Variants in PRLR observed in about 807,000 individuals in gnomAD.
The protein encoded by PRLR is hPRL receptor.
In PRLR, 13 loss-of-function variants were observed where a neutral mutation model predicts 40.2. That is an observed-to-expected ratio of 0.32 (90% CI 0.21 to 0.51). The LOEUF (loss-of-function observed/expected upper bound fraction) is 0.51. PRLR is among the 20% of genes least tolerant of loss of function. The probability of loss-of-function intolerance (pLI) is 0.97; values close to 1 mark genes in which losing one functional copy is unlikely to be tolerated. For synonymous variants in PRLR, 269 were observed against 278.7 expected (o/e 0.97, Z 0.35); for missense variants, 656 against 747.3 (o/e 0.88, Z 1.42).
At chr5:35,175,680 C>T (rs770334414) in intron 1 of PRLR, among the ~76,000 whole-genome samples, 5 of 152,206 alleles carry the variant, frequency 3.3e-5, no homozygotes, top group Non-Finnish European at 7.3e-5. Context: ...GTGATGCCCA[C>T]CTTGCTCTAT....
intron 2 of PRLR, among the ~76,000 whole-genome samples, chr5:35,100,254 T>C (rs1771796348): frequency 1.3e-5 from 2 of 151,400 alleles, no homozygotes. Flanking sequence ...CAAGCTAAGG[T>C]TAATTTATTA....
intron 1 of PRLR, among the ~76,000 whole-genome samples, chr5:35,229,828 C>CT (rs773315419): frequency 1.3e-5 from 2 of 152,138 alleles, no homozygotes; most frequent in Non-Finnish European, 2.9e-5. Context: ...CATCACCTGT[C>CT]TGCGCCCCTT....
chr5:35,066,331 A>G (rs1369566326), intron 9 of PRLR, among the ~76,000 whole-genome samples: 4 of 152,162 alleles, frequency 2.6e-5, no homozygotes, highest in African/African-American at 9.7e-5. Context: ...AGCAATAATA[A>G]TCATGAGTTT....
rs1769272734 is a variant in PRLR, at chr5:35,065,181, C to T, written c.1777G>A (p.Ala593Thr). The T allele has an allele frequency of 6.2e-7, 1 of 1,614,040 alleles. No individual in the cohort carries two copies. Among genetic ancestry groups the T allele is most frequent in the Non-Finnish European group, 8.5e-7 (1 of 1,180,034 alleles). Reference protein sequence around the residue: ...LEQNQAEKALANFTATSSKCR... With the variant: ...LEQNQAEKALTNFTATSSKCR... Reference sequence around the variant, plus strand: ...TTGCTTGATGTTGCAGTGAAGTTGGCCAGGGCTTTCTCAGCTTGATTCTGT... The same window carrying T: ...TTGCTTGATGTTGCAGTGAAGTTGGTCAGGGCTTTCTCAGCTTGATTCTGT... Residue 593 changes from alanine to threonine, a missense_variant, in exon 10 of 10, where the codon GCC (alanine) becomes ACC (threonine). By Grantham distance (58) the Ala-to-Thr change is moderately conservative (BLOSUM62 0). Coordinates refer to ENST00000618457, the MANE Select transcript of PRLR (RefSeq NM_000949.7).
intron 1 of PRLR, among the ~76,000 whole-genome samples, chr5:35,225,691 T>C (rs1200548548): frequency 6.6e-6 from 1 of 152,214 alleles, no homozygotes; most frequent in Non-Finnish European, 1.5e-5. Context: ...TTTGTTTTTG[T>C]TTTTGTTTGA....
chr5:35,205,189 G>A (rs530950445), intron 1 of PRLR, among the ~76,000 whole-genome samples: 11 of 151,930 alleles, frequency 7.2e-5, no homozygotes, highest in East Asian at 1.9e-4. Context: ...TCTTAAAACC[G>A]GAAAGGACTT....
chr5:35,229,431 G>A (rs920419726), intron 1 of PRLR, among the ~76,000 whole-genome samples: 1 of 152,136 alleles, frequency 6.6e-6, no homozygotes, highest in Admixed American at 6.5e-5. Flanking sequence ...CCAGGATACA[G>A]GTAGAGGTCA....
intron 1 of PRLR, among the ~76,000 whole-genome samples, chr5:35,228,232 CAAAAAAAA>C (rs55934270): frequency 2.2e-4 from 19 of 87,444 alleles, no homozygotes; most frequent in African/African-American, 7.4e-4. Context: ...AACAACCATG[CAAAAAAAA>C]AAAAAAAAAA....
chr5:35,224,765 G>T (rs1013970982), intron 1 of PRLR, among the ~76,000 whole-genome samples: 3 of 152,140 alleles, frequency 2.0e-5, no homozygotes, highest in East Asian at 3.9e-4. Flanking sequence ...CAAACCAGTA[G>T]AGTACACAAA....
intron 2 of PRLR, among the ~76,000 whole-genome samples, chr5:35,113,814 G>A (rs951587583): frequency 1.3e-5 from 2 of 152,246 alleles, no homozygotes; most frequent in Non-Finnish European, 2.9e-5. Context: ...GCCTGGGGAG[G>A]CTGCTTCGGG....
intron 1 of PRLR, among the ~76,000 whole-genome samples, chr5:35,210,219 C>G (rs1461616570): frequency 6.6e-6 from 1 of 152,166 alleles, no homozygotes; most frequent in East Asian, 1.9e-4. Context: ...CCTTTGTTGT[C>G]CTTACCATAC....
At chr5:35,172,036 G>A (rs1196194116) in intron 1 of PRLR, among the ~76,000 whole-genome samples, 1 of 152,174 alleles carries the variant, frequency 6.6e-6, no homozygotes, top group Non-Finnish European at 1.5e-5. Flanking sequence ...TGTGAAACGA[G>A]CCCCTAAAAC....
At chr5:35,136,556 G>A (rs1243444055) in intron 1 of PRLR, among the ~76,000 whole-genome samples, 1 of 152,176 alleles carries the variant, frequency 6.6e-6, no homozygotes, top group Admixed American at 6.5e-5. Flanking sequence ...CCTAGAAGTT[G>A]ACTGAGTCAT....
rs765895506 is a variant in PRLR at position 35,066,096 on chromosome 5, T to G, written c.862A>C (p.Lys288Gln). Residue 288 changes from lysine to glutamine, a missense_variant, in exon 10 of 10, where the codon AAG becomes CAG. Coordinates refer to ENST00000618457, the MANE Select transcript of PRLR (RefSeq NM_000949.7). ...AAGGCACTCAGTAGTTCTTCAGACT[T>G]GCCCTTCTATTAAAACACAGACACA... is the stretch of plus-strand genomic sequence containing the variant. ...GFDAHLLEKG[K>Q]SEELLSALGC... 6 of 1,612,396 alleles carry G rather than the reference T, an allele frequency of 3.7e-6. No homozygotes were observed. The highest frequency in any genetic ancestry group is 5.1e-6 in the Non-Finnish European group (6 of 1,179,184).
At chr5:35,185,708 A>T (rs1775407361) in intron 1 of PRLR, among the ~76,000 whole-genome samples, 2 of 152,176 alleles carry the variant, frequency 1.3e-5, no homozygotes, top group South Asian at 2.1e-4. Context: ...CTATACACAC[A>T]AACTGCTGAG....
At chr5:35,106,390 T>G (rs1485752539) in intron 2 of PRLR, among the ~76,000 whole-genome samples, 1 of 152,188 alleles carries the variant, frequency 6.6e-6, no homozygotes, top group Non-Finnish European at 1.5e-5. Context: ...TAACCTTAAA[T>G]GTAAATGGGC....
At chr5:35,106,435 T>C (rs1260080419) in intron 2 of PRLR, among the ~76,000 whole-genome samples, 1 of 152,050 alleles carries the variant, frequency 6.6e-6, no homozygotes, top group Non-Finnish European at 1.5e-5. Context: ...GGCTGGCAAA[T>C]TGGATAAAGA....
intron 1 of PRLR, among the ~76,000 whole-genome samples, chr5:35,136,255 T>C (rs2962105): frequency 0.21 from 31,486 of 151,888 alleles, 5,870 homozygotes; most frequent in African/African-American, 0.5. Flanking sequence ...AAAAAGCCAA[T>C]TGAATTTCTT....
chr5:35,214,264 C>T (rs1466989183), intron 1 of PRLR, among the ~76,000 whole-genome samples: 1 of 152,184 alleles, frequency 6.6e-6, no homozygotes, highest in Non-Finnish European at 1.5e-5. Context: ...GATCTGGGTT[C>T]CAAAGGCTCA....
Sources: allele counts gnomAD v4.1 joint callset (sites outside exome capture counted in the v4.1 genomes callset), GRCh38; gene constraint gnomAD v4.1.1; transcripts MANE v1.5; gene names NCBI Gene and HGNC (gene_info 2026-07-23, HGNC 2026-07-21).